The following CDH9 variants were observed in gnomAD, a reference collection of about 807,000 sequenced individuals.
CDH9 encodes cadherin 9, also known as cadherin-9.
A neutral mutation model predicts 70.9 loss-of-function variants in CDH9; 28 were observed. The observed-to-expected ratio is 0.40, with a 90% confidence interval of 0.29 to 0.54. CDH9 has a LOEUF of 0.54. Ranked by LOEUF, CDH9 falls within the 20% of genes least tolerant of loss-of-function variation. The probability of loss-of-function intolerance (pLI) is 0.59; values close to 1 mark genes in which losing one functional copy is unlikely to be tolerated. For missense variants in CDH9, 874 were observed against 984.4 expected, an observed-to-expected ratio of 0.89 and a Z score of 1.50; for synonymous variants, 409 against 343.1, an observed-to-expected ratio of 1.19 and a Z score of -2.12.
At chr5:26,974,831 T>C (rs1306936788) in intron 2 of CDH9, among the ~76,000 whole-genome samples, 5 of 151,624 alleles carry the variant, frequency 3.3e-5, no homozygotes, top group African/African-American at 9.7e-5. Flanking sequence ...TGTGTGTGTG[T>C]GCGTGTGTGT....
intron 2 of CDH9, among the ~76,000 whole-genome samples, chr5:26,942,804 A>G (rs1741686172): frequency 6.6e-6 from 1 of 152,162 alleles, no homozygotes; most frequent in Non-Finnish European, 1.5e-5. Context: ...TCTCTTTGGA[A>G]ACTTTTGCAA....
At chr5:27,019,070 C>T (rs148356221) in intron 1 of CDH9, among the ~76,000 whole-genome samples, 3 of 151,782 alleles carry the variant, frequency 2.0e-5, no homozygotes, top group African/African-American at 7.2e-5. Flanking sequence ...TGAAATCCAC[C>T]CAGAAATTGT....
At chr5:26,881,909 CT>C (rs1740474486) in intron 11 of CDH9, among the ~76,000 whole-genome samples, 1 of 152,020 alleles carries the variant, frequency 6.6e-6, no homozygotes, top group Non-Finnish European at 1.5e-5. Context: ...CTGCAATTGC[CT>C]GACACCTCAG....
At chr5:26,964,758 C>A (rs1402579342) in intron 2 of CDH9, among the ~76,000 whole-genome samples, 3 of 152,030 alleles carry the variant, frequency 2.0e-5, no homozygotes, top group Middle Eastern at 3.4e-3. Context: ...TTAGATAATT[C>A]TCCTAATGCT....
intron 2 of CDH9, among the ~76,000 whole-genome samples, chr5:26,950,936 G>C (rs911068753): frequency 1.3e-5 from 2 of 152,042 alleles, no homozygotes; most frequent in Non-Finnish European, 2.9e-5. Flanking sequence ...TAAGCAAGAG[G>C]GTAGACTGAG....
intron 1 of CDH9, among the ~76,000 whole-genome samples, chr5:27,001,844 A>ACACACTCTCT (rs1312157550): frequency 2.1e-5 from 3 of 142,002 alleles, no homozygotes; most frequent in African/African-American, 8.2e-5. Context: ...ACACACACAC[A>ACACACTCTCT]CTCTCTCTCT....
At chr5:26,985,057 C>T (rs1422184126) in intron 2 of CDH9, among the ~76,000 whole-genome samples, 1 of 152,084 alleles carries the variant, frequency 6.6e-6, no homozygotes, top group African/African-American at 2.4e-5. Context: ...CCCAACATAA[C>T]TGATTTGTAC....
intron 2 of CDH9, among the ~76,000 whole-genome samples, chr5:26,953,660 A>C (rs1286316144): frequency 6.6e-6 from 1 of 152,180 alleles, no homozygotes; most frequent in Non-Finnish European, 1.5e-5. Flanking sequence ...GTCTTCCACT[A>C]CACATGCCTA....
At chr5:27,019,193 A>C (rs1743095293) in intron 1 of CDH9, among the ~76,000 whole-genome samples, 1 of 151,978 alleles carries the variant, frequency 6.6e-6, no homozygotes, top group Non-Finnish European at 1.5e-5. Flanking sequence ...GGGTATGACG[A>C]GAAAGGAAAG....
intron 3 of CDH9, among the ~76,000 whole-genome samples, chr5:26,911,485 G>C (rs1254735974): frequency 1.3e-5 from 2 of 152,040 alleles, no homozygotes; most frequent in African/African-American, 4.8e-5. Context: ...CCTGGTTGGG[G>C]GTCAAAGTGT....
intron 2 of CDH9, among the ~76,000 whole-genome samples, chr5:26,930,498 C>T (rs9293253): frequency 0.096 from 14,565 of 151,996 alleles, 878 homozygotes; most frequent in East Asian, 0.17. Flanking sequence ...TTTTCATCCA[C>T]GTTTGGTTGA....
intron 2 of CDH9, among the ~76,000 whole-genome samples, chr5:26,974,890 G>A (rs1327533447): frequency 6.6e-6 from 1 of 152,038 alleles, no homozygotes; most frequent in Non-Finnish European, 1.5e-5. Flanking sequence ...ATACAACAGA[G>A]TATTGTAACT....
intron 1 of CDH9, among the ~76,000 whole-genome samples, chr5:27,000,838 G>A (rs1742754616): frequency 6.6e-6 from 1 of 152,090 alleles, no homozygotes; most frequent in African/African-American, 2.4e-5. Context: ...ATTCAAAAAT[G>A]CTAAGGGAGA....
chr5:26,968,501 G>GTCTTGAAC (rs1375233694), intron 2 of CDH9, among the ~76,000 whole-genome samples: 1 of 152,036 alleles, frequency 6.6e-6, no homozygotes, highest in African/African-American at 2.4e-5. Context: ...GGCCAGGCTG[G>GTCTTGAAC]TCTTGAACTC....
chr5:26,977,111 C>T (rs1742313694), intron 2 of CDH9, among the ~76,000 whole-genome samples: 1 of 151,764 alleles, frequency 6.6e-6, no homozygotes, highest in South Asian at 2.1e-4. Flanking sequence ...TCAAATATGC[C>T]CATTGTTCTA....
chr5:26,896,133 G>A (rs562929786), intron 7 of CDH9, among the ~76,000 whole-genome samples: 1 of 151,952 alleles, frequency 6.6e-6, no homozygotes, highest in African/African-American at 2.4e-5. Flanking sequence ...AATTATAATT[G>A]ATTATTTCTA....
rs547542245 is a variant in CDH9 at position 26,886,977 on chromosome 5, G to A, written c.1513-894C>T. Among the ~76,000 whole-genome samples, 141 of 152,262 alleles carry A rather than the reference G, an allele frequency of 9.3e-4. 1 individual carries two copies. The highest frequency in any genetic ancestry group is 3.4e-3 in the African/African-American group (140 of 41,552). On this transcript the variant is annotated intron_variant, in intron 9 of 11. Coordinates refer to ENST00000231021, the MANE Select transcript of CDH9 (RefSeq NM_016279.4). The stretch of plus-strand genomic sequence containing the variant: ...TAGACAGGTCTCATAGTCTAACATT[G>A]TGTGGTGAAAAGTTATTGAAATTCA...
intron 11 of CDH9, 32 bp downstream of exon 11, chr5:26,885,582 G>C (rs1740549866): frequency 2.5e-6 from 4 of 1,597,130 alleles, no homozygotes; most frequent in Non-Finnish European, 3.4e-6. Flanking sequence ...ATTTTTGTGA[G>C]TTAAAGGATC....
intron 7 of CDH9, among the ~76,000 whole-genome samples, chr5:26,892,932 A>G (rs1007040133): frequency 7.2e-5 from 11 of 151,912 alleles, no homozygotes; most frequent in South Asian, 4.2e-4. Flanking sequence ...ACAGGGTTTC[A>G]CCGTGTTAGC....
Sources: allele counts gnomAD v4.1 joint callset (sites outside exome capture counted in the v4.1 genomes callset), GRCh38; gene constraint gnomAD v4.1.1; transcripts MANE v1.5; gene names NCBI Gene and HGNC (gene_info 2026-07-23, HGNC 2026-07-21).